FER: variants seen among roughly 807,000 people sequenced by gnomAD.
The protein encoded by FER is tyrosine-protein kinase Fer.
A neutral mutation model predicts 111.0 loss-of-function variants in FER; 63 were observed. The observed-to-expected ratio is 0.57, with a 90% CI of 0.46 to 0.70. The LOEUF (loss-of-function observed/expected upper bound fraction) is 0.70, where lower values mean the gene tolerates loss of function less well. FER is among the 30% of genes least tolerant of loss of function. FER has a pLI of 0.00. For synonymous variants in FER, 327 were observed against 313.9 expected, an observed-to-expected ratio of 1.04 and a Z score of -0.44; for missense variants, 914 against 954.0, an observed-to-expected ratio of 0.96 and a Z score of 0.55.
At chr5:108,802,067 G>T (rs1020335037) in intron 3 of FER, among the ~76,000 whole-genome samples, 4 of 152,036 alleles carry the variant, frequency 2.6e-5, no homozygotes, top group African/African-American at 9.7e-5. Flanking sequence ...TTTATTTCTG[G>T]AATTTTCCAT....
At chr5:108,792,793 A>C (rs1755529044) in intron 2 of FER, among the ~76,000 whole-genome samples, 1 of 151,368 alleles carries the variant, frequency 6.6e-6, no homozygotes, top group South Asian at 2.1e-4. Context: ...CTAGAAATAT[A>C]ATTTATTTTT....
intron 13 of FER, among the ~76,000 whole-genome samples, chr5:109,030,109 T>G (rs1769388527): frequency 6.6e-6 from 1 of 152,180 alleles, no homozygotes; most frequent in South Asian, 2.1e-4. Context: ...TTGAGCCCAT[T>G]CAGTGAGTTT....
intron 2 of FER, among the ~76,000 whole-genome samples, chr5:108,792,903 GTA>G (rs968288553): frequency 2.0e-5 from 3 of 151,754 alleles, no homozygotes; most frequent in Non-Finnish European, 4.4e-5. Context: ...TACATAGTAG[GTA>G]TATATATTTA....
intron 16 of FER, among the ~76,000 whole-genome samples, chr5:109,085,175 A>G (rs1777423865): frequency 6.6e-6 from 1 of 151,806 alleles, no homozygotes; most frequent in Non-Finnish European, 1.5e-5. Context: ...GAAATTTACA[A>G]TATTAAGCCT....
At chr5:108,979,520 G>T (rs138249019) in intron 13 of FER, among the ~76,000 whole-genome samples, 1 of 151,850 alleles carries the variant, frequency 6.6e-6, no homozygotes, top group Non-Finnish European at 1.5e-5. Flanking sequence ...AATATTACAC[G>T]GCATTACTTT....
At chr5:109,054,130 C>T (rs1773312428) in intron 16 of FER, among the ~76,000 whole-genome samples, 1 of 152,144 alleles carries the variant, frequency 6.6e-6, no homozygotes, top group Non-Finnish European at 1.5e-5. Context: ...CAAATGCTTT[C>T]ATTCTCTTGG....
intron 16 of FER, among the ~76,000 whole-genome samples, chr5:109,048,452 G>A (rs1337141072): frequency 6.6e-6 from 1 of 152,110 alleles, no homozygotes; most frequent in Non-Finnish European, 1.5e-5. Flanking sequence ...TCAGATTTGG[G>A]AGGTGGGATG....
chr5:109,096,097 AGTTTAT>A (rs1166939045), intron 16 of FER, among the ~76,000 whole-genome samples: 4 of 151,844 alleles, frequency 2.6e-5, no homozygotes, highest in African/African-American at 4.8e-5. Flanking sequence ...AATCTCACTG[AGTTTAT>A]GTTTAGTGTG....
chr5:108,786,867 TTGA>T (rs1398440268), intron 2 of FER, among the ~76,000 whole-genome samples: 2 of 152,214 alleles, frequency 1.3e-5, no homozygotes, highest in Non-Finnish European at 2.9e-5. Flanking sequence ...GAAGTACTGC[TTGA>T]TGATGAGATT....
intron 1 of FER, among the ~76,000 whole-genome samples, chr5:108,766,286 A>G (rs148522085): frequency 3.9e-5 from 6 of 152,364 alleles, no homozygotes; most frequent in Non-Finnish European, 7.3e-5. Flanking sequence ...ATCGTTTTAT[A>G]TAACAACTCT....
At chr5:109,000,281 CAT>C (rs1173260889) in intron 13 of FER, among the ~76,000 whole-genome samples, 1 of 151,588 alleles carries the variant, frequency 6.6e-6, no homozygotes, top group Non-Finnish European at 1.5e-5. Context: ...TTATTTGCCA[CAT>C]ATTTAAGCAG....
At chr5:109,157,000 G>C (rs72798563) in intron 17 of FER, among the ~76,000 whole-genome samples, 5,205 of 152,090 alleles carry the variant, frequency 0.034, 127 homozygotes, top group Middle Eastern at 0.086. Flanking sequence ...GACCACACTT[G>C]GTAAGTAAAT....
chr5:108,847,140 T>C (rs1175124065), intron 5 of FER, among the ~76,000 whole-genome samples: 1 of 150,544 alleles, frequency 6.6e-6, no homozygotes, highest in African/African-American at 2.4e-5. Flanking sequence ...TTTGGTACTC[T>C]AAAGTTCCTT....
At chr5:108,976,682 A>C (rs1761393444) in intron 13 of FER, among the ~76,000 whole-genome samples, 1 of 152,226 alleles carries the variant, frequency 6.6e-6, no homozygotes, top group Admixed American at 6.5e-5. Flanking sequence ...GTATTCTTAC[A>C]ATAAGGCAGA....
intron 17 of FER, among the ~76,000 whole-genome samples, chr5:109,104,316 G>A (rs1748613967): frequency 6.6e-6 from 1 of 152,082 alleles, no homozygotes; most frequent in Non-Finnish European, 1.5e-5. Context: ...TCTATGCCAG[G>A]GGCTACCAAA....
intron 13 of FER, among the ~76,000 whole-genome samples, chr5:108,983,508 A>C (rs1168010782): frequency 6.6e-6 from 1 of 152,102 alleles, no homozygotes; most frequent in East Asian, 1.9e-4. Context: ...AATATATGTA[A>C]AGTAGTAAAT....
intron 10 of FER, among the ~76,000 whole-genome samples, chr5:108,898,706 T>G (rs1749553637): frequency 6.6e-6 from 1 of 151,362 alleles, no homozygotes; most frequent in Non-Finnish European, 1.5e-5. Flanking sequence ...TCTTTCCTTT[T>G]TCTATTATCT....
intron 17 of FER, among the ~76,000 whole-genome samples, chr5:109,178,020 T>A (rs1189409831): frequency 4.6e-5 from 7 of 152,194 alleles, no homozygotes; most frequent in Middle Eastern, 6.3e-3. Flanking sequence ...AATAGTAGGC[T>A]TAATAAAGAA....
chr5:109,101,852 C>T (rs986626734), intron 17 of FER, among the ~76,000 whole-genome samples: 2 of 152,062 alleles, frequency 1.3e-5, no homozygotes, highest in African/African-American at 4.8e-5. Flanking sequence ...ATTTTGGTTG[C>T]CGAGGTATTG....
Sources: gnomAD v4.1 joint callset for allele counts (sites outside exome capture counted in the v4.1 genomes callset) on GRCh38, gnomAD v4.1.1 for gene constraint, MANE v1.5 for transcripts, NCBI Gene and HGNC (gene_info 2026-07-23, HGNC 2026-07-21) for gene names.